Variants in MKNK1 observed in about 807,000 individuals in gnomAD.
MKNK1 encodes MAPK interacting serine/threonine kinase 1.
A neutral mutation model predicts 49.3 loss-of-function variants in MKNK1; 30 were observed. The observed-to-expected ratio is 0.61, with a 90% CI of 0.46 to 0.83. MKNK1 has a LOEUF of 0.83. MKNK1 is among the 40% of genes least tolerant of loss of function. MKNK1 has a pLI of 0.00. For missense variants in MKNK1, 423 were observed against 524.7 expected, an observed-to-expected ratio of 0.81 and a Z score of 1.89; for synonymous variants, 176 against 201.7, an observed-to-expected ratio of 0.87 and a Z score of 1.08.
chr1:46,568,121 CA>C (rs10711362), intron 8 of MKNK1: 25,081 of 142,328 alleles, frequency 0.18, 1,608 homozygotes, highest in African/African-American at 0.36. Flanking sequence ...GACCCCGTCT[CA>C]AAAAAAAAAA....
chr1:46,568,670 A>C lies in MKNK1; in HGVS notation c.458-172T>G, dbSNP rs1371911344. 6 of 633,044 alleles carry C rather than the reference A, an allele frequency of 9.5e-6. No homozygotes were observed. The African/African-American group carries it at 1.1e-4, about 12-fold the overall frequency. The allele number at this position is 633,044 out of a possible 1,614,324, so 39.2% of individuals were successfully genotyped here. A position where few individuals can be genotyped will look rare whatever the true frequency, so the allele number is the denominator to read the frequency against. ...GAAGTAACCAGCGACACAAACCAAA[A>C]GCACAGTTGATTCTGCGGGTTCTTT... On this transcript the variant is annotated intron_variant, in intron 7 of 12. Transcript: ENST00000371945.
In MKNK1 at chr1:46,576,583, C is replaced by T. The variant is rs770929882; in HGVS notation, c.270G>A (p.Gln90=). ...FREVETLYQC[Q]GNKNILELIE... ...AATCACATGATACTCACTTGTTTCC[C>T]TGACACTGATACAGCGTCTCCACCT... is the stretch of plus-strand genomic sequence containing the variant. The change falls in exon 5 of 13, where the codon CAG becomes CAA. Residue 90 remains glutamine, a synonymous_variant. Coordinates refer to ENST00000371945, the MANE Select transcript of MKNK1 (RefSeq NM_001135553.4). 12 of 1,613,710 alleles carry T rather than the reference C, an allele frequency of 7.4e-6. No individual in the cohort carries two copies. The highest frequency in any genetic ancestry group is 1.3e-5 in the African/African-American group (1 of 74,918).
At position 46,561,458 on chromosome 1, in the gene MKNK1, C is replaced by T. The variant is rs1039905095; in HGVS notation, c.969+20G>A. 29 of 1,585,866 alleles carry T rather than the reference C, an allele frequency of 1.8e-5. No individual in the cohort carries two copies. The highest frequency in any genetic ancestry group is 2.4e-5 in the Non-Finnish European group (28 of 1,164,264). ...ACAGGCCTGAAGTGGTGGAAAACAC[C>T]CCTCCCTGGAGTCACTCACCCCCTG... On this transcript the variant is annotated intron_variant, in intron 11 of 12. Coordinates refer to ENST00000371945, the MANE Select transcript of MKNK1 (RefSeq NM_001135553.4).
At chr1:46,579,291 T>C (rs1671424640) in intron 4 of MKNK1, among the ~76,000 whole-genome samples, 1 of 152,180 alleles carries the variant, frequency 6.6e-6, no homozygotes, top group Non-Finnish European at 1.5e-5. Flanking sequence ...GGATTGCCAA[T>C]GTGAGGTGGC....
At chr1:46,600,711 T>C (rs11211319) in intron 1 of MKNK1, among the ~76,000 whole-genome samples, 73,328 of 152,060 alleles carry the variant, frequency 0.48, 18,684 homozygotes, top group East Asian at 0.91. Context: ...AAACCCAGAG[T>C]TGTGGAATTG....
intron 9 of MKNK1, 50 bp downstream of exon 9, chr1:46,564,991 G>A: frequency 6.4e-7 from 1 of 1,564,978 alleles, no homozygotes; most frequent in East Asian, 2.2e-5. Context: ...CCCAGCTCTG[G>A]ATCAGGGAAA....
intron 2 of MKNK1, among the ~76,000 whole-genome samples, chr1:46,588,417 T>C (rs1672876866): frequency 6.6e-6 from 1 of 152,256 alleles, no homozygotes; most frequent in Non-Finnish European, 1.5e-5. Context: ...AATTCAACAT[T>C]CAGTGATGAA....
At chr1:46,588,767 C>T (rs1288510484) in intron 2 of MKNK1, among the ~76,000 whole-genome samples, 2 of 148,460 alleles carry the variant, frequency 1.3e-5, no homozygotes, top group Non-Finnish European at 3.0e-5. Flanking sequence ...GAGATCGCGC[C>T]ACTGCACTCC....
intron 1 of MKNK1, among the ~76,000 whole-genome samples, chr1:46,603,878 G>A (rs1215563520): frequency 6.6e-6 from 1 of 152,176 alleles, no homozygotes; most frequent in Non-Finnish European, 1.5e-5. Context: ...CATGATACTG[G>A]ACTGCCTGAG....
intron 1 of MKNK1, among the ~76,000 whole-genome samples, chr1:46,602,411 C>CA (rs1200331338): frequency 2.0e-5 from 3 of 149,544 alleles, no homozygotes; most frequent in Non-Finnish European, 3.0e-5. Flanking sequence ...GACTCCATCT[C>CA]AAAAAAAAAG....
At chr1:46,575,237 T>C in intron 5 of MKNK1, 1 of 497,280 alleles carries the variant, frequency 2.0e-6, no homozygotes, top group Admixed American at 3.8e-5. Flanking sequence ...GTTTAGTCTC[T>C]GGTGTTTTCA....
chr1:46,574,816 CA>C, intron 6 of MKNK1, 130 bp downstream of exon 6: 1 of 611,918 alleles, frequency 1.6e-6, no homozygotes, highest in Non-Finnish European at 2.9e-6. Context: ...TCTCCCAAAT[CA>C]AGGGCAGTTT....
Position 46,580,609 on chromosome 1 carries a change from G to A in MKNK1, c.119C>T (p.Ser40Phe), listed in dbSNP as rs757036292. ...ATAGGCTCCCTCTCCAAGCAATTCAGAGGTCAGCTTGTACATATCTAGAGG... is the reference window on the plus strand; with the variant it reads ...ATAGGCTCCCTCTCCAAGCAATTCAAAGGTCAGCTTGTACATATCTAGAGG... ...GKFEDMYKLT[S>F]ELLGEGAYAK... Residue 40 changes from serine (S) to phenylalanine (F), a missense_variant, in exon 4 of 13, where the codon TCT becomes TTT. Transcript: ENST00000371945. The A allele has an allele frequency of 4.3e-6, 7 of 1,613,696 alleles. No homozygotes were observed. The highest frequency in any genetic ancestry group is 5.9e-6 in the Non-Finnish European group (7 of 1,179,588).
Position 46,594,198 on chromosome 1 carries a change from T to C in MKNK1, c.-88A>G. The C allele has an allele frequency of 6.8e-7, 1 of 1,464,974 alleles. No individual in the cohort carries two copies. Among genetic ancestry groups the C allele is most frequent in the Non-Finnish European group, 9.6e-7 (1 of 1,044,698 alleles). The allele number at this position is 1,464,974 out of a possible 1,614,324, so 90.7% of individuals were successfully genotyped here. Reference sequence around the variant, plus strand: ...TAAAGCTCCTGTCAGGAAGTTGGTGTCTTCCAGCTACACGAAGTGTCTCAA... The same window carrying C: ...TAAAGCTCCTGTCAGGAAGTTGGTGCCTTCCAGCTACACGAAGTGTCTCAA... On this transcript the variant is annotated 5_prime_UTR_variant, in exon 2 of 13. Transcript: ENST00000371945.
At chr1:46,559,192 C>T (rs149323970) in intron 12 of MKNK1, among the ~76,000 whole-genome samples, 13 of 152,350 alleles carry the variant, frequency 8.5e-5, no homozygotes, top group Admixed American at 2.6e-4. Flanking sequence ...GCTTATGCCA[C>T]GTCCCCAGCA....
Position 46,565,127 on chromosome 1 carries a change from C to G in MKNK1, c.523G>C (p.Val175Leu). 6.2e-7 allele frequency: 1 copy of G among 1,614,132 alleles called. No individual in the cohort carries two copies. ...CCCAAGTCAAAGTCACAGATTTTCA[C>G]TGGAGACACCTGAAAAGGAAAACAG... ...LCESPEKVSP[V>L]KICDFDLGSG... The change falls in exon 9 of 13, where the codon GTG (valine) becomes CTG (leucine). Residue 175 changes from valine (V) to leucine (L), a missense_variant. Physicochemically the swap from Val to Leu is conservative, Grantham distance 32. Transcript: ENST00000371945.
In MKNK1 at chr1:46,585,882, T is replaced by C. The variant is rs776588617; in HGVS notation, c.-2-2553A>G. On this transcript the variant is annotated intron_variant, in intron 2 of 12. Coordinates refer to ENST00000371945, the MANE Select transcript of MKNK1 (RefSeq NM_001135553.4). The stretch of plus-strand genomic sequence containing the variant: ...ACACAAAGACAGAGTACCTGGTATA[T>C]TCTGCATGGATTTCAATGAAAGAGG... The C allele has an allele frequency of 5.2e-6, 7 of 1,346,938 alleles. No individual in the cohort carries two copies. In the Admixed American group the frequency reaches 1.3e-4, roughly 26 times the overall value. 83.4% of individuals were successfully genotyped at this position (1,346,938 alleles called of 1,614,324 possible). A position where few individuals can be genotyped will look rare whatever the true frequency, so the allele number is the denominator to read the frequency against.
At chr1:46,558,847 G>A (rs1469445853) in intron 12 of MKNK1, 47 bp from the exon 13 acceptor site, 1 of 1,542,996 alleles carries the variant, frequency 6.5e-7, no homozygotes, top group Non-Finnish European at 8.8e-7. Flanking sequence ...GGACTCTAGG[G>A]TCAGCCAGGC....
intron 1 of MKNK1, among the ~76,000 whole-genome samples, chr1:46,599,390 T>C (rs2148777672): frequency 6.6e-6 from 1 of 152,282 alleles, no homozygotes; most frequent in South Asian, 2.1e-4. Context: ...TCAGAACCCA[T>C]GCCTGAAATA....
Sources: allele counts gnomAD v4.1 joint callset (sites outside exome capture counted in the v4.1 genomes callset), GRCh38; gene constraint gnomAD v4.1.1; transcripts MANE v1.5; gene names NCBI Gene and HGNC (gene_info 2026-07-23, HGNC 2026-07-21).